PSCA: variants seen among roughly 807,000 people sequenced by gnomAD.
The protein encoded by PSCA is prostate stem cell antigen.
Under a neutral mutation model 7.9 loss-of-function variants are expected in PSCA, and 7 were observed. The ratio of observed to expected loss-of-function variants is 0.89; its 90% CI spans 0.51 to 1.67. The LOEUF (loss-of-function observed/expected upper bound fraction) is 1.67. Among genes scored for constraint, PSCA ranks in the 40% most tolerant of loss-of-function variants. PSCA has a pLI of 0.00. For synonymous variants in PSCA, 61 were observed against 68.3 expected, an observed-to-expected ratio of 0.89 and a Z score of 0.53; for missense variants, 151 against 147.9, an observed-to-expected ratio of 1.02 and a Z score of -0.11.
rs782226786 is a variant in PSCA at position 142,682,067 on chromosome 8, G to A, written c.280G>A (p.Ala94Thr). The stretch of plus-strand genomic sequence containing the variant: ...CAGCGGGGCCCATGCCCTGCAGCCG[G>A]CTGCTGCCATCCTTGCGCTGCTCCC... ...NASGAHALQP[A>T]AAILALLPAL... Residue 94 changes from alanine to threonine, a missense_variant, in exon 3 of 3, where the codon GCT (alanine) becomes ACT (threonine). Physicochemically the swap from Ala to Thr is moderately conservative, Grantham distance 58 (BLOSUM62 0). Transcript: ENST00000301258. 1.2e-6 allele frequency: 2 copies of A among 1,610,404 alleles called. No homozygotes were observed. The highest frequency in any genetic ancestry group is 1.7e-6 in the Non-Finnish European group (2 of 1,179,754).
At chr8:142,680,836 G>A (rs1587546990) in intron 1 of PSCA, 1 of 576,494 alleles carries the variant, frequency 1.7e-6, no homozygotes. Context: ...GCTCCTAGGG[G>A]GCAGGTAGAC....
At chr8:142,679,311 C>A (rs1311949533), upstream of PSCA, among the ~76,000 whole-genome samples, 5 of 152,234 alleles carry the variant, frequency 3.3e-5, no homozygotes, top group African/African-American at 1.2e-4. Flanking sequence ...CACTCAAGGT[C>A]CTGAGGGTAA....
At chr8:142,677,655 A>C (rs1380207808), upstream of PSCA, among the ~76,000 whole-genome samples, 3 of 152,022 alleles carry the variant, frequency 2.0e-5, no homozygotes, top group African/African-American at 7.2e-5. Context: ...TCAGCCACAC[A>C]CGGAAGCAGT....
At chr8:142,679,026 C>G (rs2920281), upstream of PSCA, among the ~76,000 whole-genome samples, 1 of 148,878 alleles carries the variant, frequency 6.7e-6, no homozygotes, top group Non-Finnish European at 1.5e-5. Context: ...CACCGCCCAG[C>G]GGGCTGGGCC....
At chr8:142,676,429 G>T (rs797032925), upstream of PSCA, 11 of 152,380 alleles carry the variant, frequency 7.2e-5, no homozygotes, top group African/African-American at 2.4e-4. Context: ...GGACAGGAAG[G>T]CTGGTTCCAT....
upstream of PSCA, among the ~76,000 whole-genome samples, chr8:142,677,734 A>G (rs1316060461): frequency 6.6e-6 from 1 of 152,130 alleles, no homozygotes; most frequent in Non-Finnish European, 1.5e-5. Flanking sequence ...CCAGAGGGAA[A>G]GTTCTGGGTG....
Position 142,681,957 on chromosome 8 carries a change from G to T in PSCA, c.170G>T (p.Cys57Phe). The change falls in exon 3 of 3, where the codon TGC (cysteine) becomes TTC (phenylalanine). Residue 57 changes from cysteine (C) to phenylalanine (F), a missense_variant. Physicochemically the swap from Cys to Phe is radical, Grantham distance 205. Coordinates refer to ENST00000301258, the MANE Select transcript of PSCA (RefSeq NM_005672.5). Reference sequence around the variant, plus strand: ...CTCCTGACCGTCATCAGCAAAGGCTGCAGCTTGAACTGCGTGGATGACTCA... The same window carrying T: ...CTCCTGACCGTCATCAGCAAAGGCTTCAGCTTGAACTGCGTGGATGACTCA... ...VGLLTVISKG[C>F]SLNCVDDSQD... The T allele has an allele frequency of 6.3e-7, 1 of 1,588,026 alleles. No homozygotes were observed. The highest frequency in any genetic ancestry group is 8.6e-7 in the Non-Finnish European group (1 of 1,165,878).
intron 2 of PSCA, 59 bp downstream of exon 2, chr8:142,681,493 T>C: frequency 6.9e-7 from 1 of 1,440,400 alleles, no homozygotes; most frequent in South Asian, 1.2e-5. Flanking sequence ...TATTAATCTT[T>C]CTGGCCATCT....
upstream of PSCA, among the ~76,000 whole-genome samples, chr8:142,678,243 G>C (rs1490786981): frequency 2.0e-5 from 3 of 152,138 alleles, no homozygotes; most frequent in African/African-American, 7.2e-5. Flanking sequence ...TCGAGGAGAG[G>C]AGGTAACAAT....
upstream of PSCA, chr8:142,680,377 C>T (rs1292419013): frequency 1.8e-5 from 13 of 742,740 alleles, no homozygotes; most frequent in East Asian, 5.4e-5. Flanking sequence ...GGAGGAGACT[C>T]GGACCTGCCC....
chr8:142,679,357 C>T (rs988419277), upstream of PSCA, among the ~76,000 whole-genome samples: 1 of 152,210 alleles, frequency 6.6e-6, no homozygotes, highest in African/African-American at 2.4e-5. Flanking sequence ...CACTGAATGC[C>T]CCATAAATGA....
chr8:142,679,639 G>A (rs1332572854), upstream of PSCA, among the ~76,000 whole-genome samples: 2 of 152,200 alleles, frequency 1.3e-5, no homozygotes, highest in Admixed American at 6.5e-5. Context: ...GGAACTGGGG[G>A]CTTCCAGGTT....
At chr8:142,681,126 G>A (rs897498246) in intron 1 of PSCA, 16 of 560,144 alleles carry the variant, frequency 2.9e-5, no homozygotes, top group East Asian at 2.4e-4. Flanking sequence ...CACAAAAGCA[G>A]CCACCGAGGG....
intron 1 of PSCA, among the ~76,000 whole-genome samples, chr8:142,671,741 T>C (rs782757189): frequency 2.6e-5 from 4 of 152,072 alleles, no homozygotes; most frequent in Admixed American, 6.5e-5. Flanking sequence ...GGAAACGAGG[T>C]CTAGCTGTGT....
In PSCA at chr8:142,681,998, G is replaced by C. The variant is rs1554638424; in HGVS notation, c.211G>C (p.Gly71Arg). 6.2e-7 allele frequency: 1 copy of C among 1,612,380 alleles called. No individual in the cohort carries two copies. The highest frequency in any genetic ancestry group is 8.5e-7 in the Non-Finnish European group (1 of 1,179,388). ...CVDDSQDYYV[G>R]KKNITCCDTD... ...GGATGACTCACAGGACTACTACGTG[G>C]GCAAGAAGAACATCACGTGCTGTGA... The change falls in exon 3 of 3, where the codon GGC (glycine) becomes CGC (arginine). Residue 71 changes from glycine (G) to arginine (R), a missense_variant. Coordinates refer to ENST00000301258, the MANE Select transcript of PSCA (RefSeq NM_005672.5).
chr8:142,673,848 T>C lies in PSCA; in HGVS notation n.261+3280T>C, dbSNP rs1847364169. Among the ~76,000 whole-genome samples, 1 of 152,258 alleles carries C rather than the reference T, an allele frequency of 6.6e-6. No individual in the cohort carries two copies. Among genetic ancestry groups the C allele is most frequent in the African/African-American group, 2.4e-5 (1 of 41,458 alleles). On this transcript the variant is annotated intron_variant and non_coding_transcript_variant, in intron 1 of 1. Coordinates refer to the PSCA transcript ENST00000505305. This position sits in a 1 kb window ranked among gnomAD's most constrained non-coding sequence, Gnocchi z 4.6. The stretch of plus-strand genomic sequence containing the variant: ...CAATCTTAGGATCACAATAGTGATG[T>C]TACTTGCAGGAGTAATTGGGGGAGT...
At chr8:142,677,074 T>TGGCCAG (rs1232669918), upstream of PSCA, among the ~76,000 whole-genome samples, 1 of 152,160 alleles carries the variant, frequency 6.6e-6, no homozygotes, top group Non-Finnish European at 1.5e-5. Flanking sequence ...GCTCAGCCAG[T>TGGCCAG]GGCCAGGGCC....
At chr8:142,672,048 G>A (rs1456405991) in intron 1 of PSCA, among the ~76,000 whole-genome samples, 1 of 152,090 alleles carries the variant, frequency 6.6e-6, no homozygotes, top group Non-Finnish European at 1.5e-5. Context: ...TCCTGCCAGG[G>A]CCCCTCCCCA....
upstream of PSCA, among the ~76,000 whole-genome samples, chr8:142,678,075 C>T (rs1334763731): frequency 6.6e-6 from 1 of 152,126 alleles, no homozygotes; most frequent in African/African-American, 2.4e-5. Context: ...CTGATGTCCC[C>T]TGAACACCCC....
Sources: allele counts gnomAD v4.1 joint callset (sites outside exome capture counted in the v4.1 genomes callset), GRCh38; gene constraint gnomAD v4.1.1; non-coding constraint Gnocchi (gnomAD v3.1); transcripts MANE v1.5; gene names NCBI Gene and HGNC (gene_info 2026-07-23, HGNC 2026-07-21).